Variants in SLC6A3 observed in about 807,000 individuals in gnomAD.
SLC6A3 encodes the protein sodium-dependent dopamine transporter.
SLC6A3 carries 19 observed loss-of-function variants against 70.4 expected under a neutral mutation model. The ratio of observed to expected loss-of-function variants is 0.27; its 90% CI spans 0.19 to 0.40. SLC6A3 has a LOEUF of 0.40. Among genes scored for constraint, SLC6A3 ranks in the 10% least tolerant of loss-of-function variants. The pLI is 1.00. For missense variants in SLC6A3, 613 were observed against 838.5 expected, an observed-to-expected ratio of 0.73 and a Z score of 3.32; for synonymous variants, 368 against 356.6, an observed-to-expected ratio of 1.03 and a Z score of -0.36.
rs758772852 is a variant in SLC6A3 at position 1,403,027 on chromosome 5, G to A, written c.1662C>T (p.Pro554=). 1.1e-5 allele frequency: 17 copies of A among 1,614,018 alleles called. No individual in the cohort carries two copies. The highest frequency in any genetic ancestry group is 8.9e-5 in the East Asian group (4 of 44,884). ...CCCAGCCCAGCGCGTTGGCCCAGTCGGGGAAGATGTAGGCTCCGTAGTGGG... is the reference window on the plus strand; with the variant it reads ...CCCAGCCCAGCGCGTTGGCCCAGTCAGGGAAGATGTAGGCTCCGTAGTGGG... ...RPPHYGAYIF[P]DWANALGWVI... Residue 554 remains proline (P), a synonymous_variant, in exon 13 of 15, where the codon CCC becomes CCT. Coordinates refer to ENST00000270349, the MANE Select transcript of SLC6A3 (RefSeq NM_001044.5).
intron 7 of SLC6A3, 35 bp from the exon 8 acceptor site, chr5:1,414,850 C>G (rs1450987362): frequency 6.2e-7 from 1 of 1,612,424 alleles, no homozygotes. Flanking sequence ...CAGGAACCAG[C>G]TGAGCTGCAG....
chr5:1,422,993 T>C lies in SLC6A3; in HGVS notation c.654-979A>G, dbSNP rs536185889. Among the ~76,000 whole-genome samples the C allele has an allele frequency of 8.2e-3, 537 of 65,246 alleles. 48 individuals carry two copies. The Middle Eastern group carries it at 0.098, about 12-fold the overall frequency. The allele number at this position is 65,246 out of a possible 152,430, so 42.8% of individuals were successfully genotyped here. A position where few individuals can be genotyped will look rare whatever the true frequency, so the allele number is the denominator to read the frequency against. The stretch of plus-strand genomic sequence containing the variant: ...CCACAGTGCTGCCCACGCTGCTGGG[T>C]ACCCACTGCTGCCCAGTGCTGCCCA... On this transcript the variant is annotated intron_variant, in intron 4 of 14. Coordinates refer to ENST00000270349, the MANE Select transcript of SLC6A3 (RefSeq NM_001044.5).
At chr5:1,417,095 C>G (rs1027523203) in intron 6 of SLC6A3, among the ~76,000 whole-genome samples, 1 of 151,892 alleles carries the variant, frequency 6.6e-6, no homozygotes, top group Admixed American at 6.6e-5. Context: ...GAGTGTGTCC[C>G]CCCATCCCAT....
intron 10 of SLC6A3, 33 bp downstream of exon 10, chr5:1,409,688 C>G: frequency 6.2e-7 from 1 of 1,612,270 alleles, no homozygotes; most frequent in Non-Finnish European, 8.5e-7. Context: ...GGAGACATGA[C>G]CAGGAGAAGG....
Position 1,393,535 on chromosome 5 carries a change from G to A in SLC6A3, c.*1200C>T, listed in dbSNP as rs1260356662. The A allele has an allele frequency of 1.9e-5, 3 of 154,484 alleles. No individual in the cohort carries two copies. Among genetic ancestry groups the A allele is most frequent in the Non-Finnish European group, 4.4e-5 (3 of 68,252 alleles). 9.6% of individuals were successfully genotyped at this position (154,484 alleles called of 1,614,324 possible). ...AATTCCAGTGGGGTCCCTTCCTGGAGGTCACGGCTCAAGGCCAGGCAGAGT... is the reference window on the plus strand; with the variant it reads ...AATTCCAGTGGGGTCCCTTCCTGGAAGTCACGGCTCAAGGCCAGGCAGAGT... On this transcript the variant is annotated 3_prime_UTR_variant, in exon 15 of 15. Transcript: ENST00000270349.
intron 12 of SLC6A3, 22 bp from the exon 13 acceptor site, chr5:1,403,111 G>A: frequency 6.2e-7 from 1 of 1,612,034 alleles, no homozygotes. Context: ...AGATACGGAG[G>A]TCAGGCAGCT....
chr5:1,407,030 G>C (rs1409979911), intron 11 of SLC6A3, among the ~76,000 whole-genome samples: 1 of 152,196 alleles, frequency 6.6e-6, no homozygotes, highest in Non-Finnish European at 1.5e-5. Context: ...TGTGTCTTCA[G>C]AAAAGCTATT....
intron 4 of SLC6A3, among the ~76,000 whole-genome samples, chr5:1,422,412 G>GCTGCTGGGTGCCCACCGCTGCCCA (rs1756463898): frequency 2.3e-5 from 1 of 44,138 alleles, no homozygotes; most frequent in African/African-American, 1.1e-4. Flanking sequence ...CGCTGCCCAC[G>GCTGCTGGGTGCCCACCGCTGCCCA]GTGCTGCCCA....
chr5:1,398,975 T>C (rs1755781884), intron 14 of SLC6A3, among the ~76,000 whole-genome samples: 1 of 152,172 alleles, frequency 6.6e-6, no homozygotes, highest in African/African-American at 2.4e-5. Flanking sequence ...GTGGGTAACA[T>C]AATATATAAC....
chr5:1,439,071 T>C (rs1200572611), intron 3 of SLC6A3, among the ~76,000 whole-genome samples: 1 of 152,150 alleles, frequency 6.6e-6, no homozygotes, highest in Non-Finnish European at 1.5e-5. Flanking sequence ...CTTGAACTGT[T>C]AGCCTGGGTT....
chr5:1,432,836 C>T (rs1756737762), intron 3 of SLC6A3, 138 bp from the exon 4 acceptor site: 2 of 685,350 alleles, frequency 2.9e-6, no homozygotes, highest in Non-Finnish European at 5.2e-6. Flanking sequence ...TGCCAGACAG[C>T]ATCTTCAAAC....
chr5:1,411,815 CATACACACTCA>C lies in SLC6A3; in HGVS notation c.1157-471_1157-461del. Among the ~76,000 whole-genome samples, 1 of 150,096 alleles carries C rather than the reference CATACACACTCA, an allele frequency of 6.7e-6. No homozygotes were observed. The highest frequency in any genetic ancestry group is 2.4e-5 in the African/African-American group (1 of 40,818). The stretch of plus-strand genomic sequence containing the variant: ...ACACTCAGACACACATACCATGCAA[CATACACACTCA>C]GACACACATACCATGCAACATACAC... On this transcript the variant is annotated intron_variant, in intron 8 of 14. Coordinates refer to ENST00000270349, the MANE Select transcript of SLC6A3 (RefSeq NM_001044.5). This position sits in a 1 kb window ranked among gnomAD's most constrained non-coding sequence, Gnocchi z 6.5.
rs1295980534 is a variant in SLC6A3 at position 1,436,573 on chromosome 5, C to G, written c.419-3875G>C. On this transcript the variant is annotated intron_variant, in intron 3 of 14. Coordinates refer to ENST00000270349, the MANE Select transcript of SLC6A3 (RefSeq NM_001044.5). This position sits in a 1 kb window ranked among gnomAD's most constrained non-coding sequence, Gnocchi z 5.2. ...CCTTAAATTTATTTTTGCTTAGTAT[C>G]TTTTTCTTTATATTAACCTTGTGTG... is the stretch of plus-strand genomic sequence containing the variant. Among the ~76,000 whole-genome samples the G allele has an allele frequency of 6.6e-6, 1 of 152,160 alleles. No homozygotes were observed. Among genetic ancestry groups the G allele is most frequent in the Non-Finnish European group, 1.5e-5 (1 of 68,034 alleles).
chr5:1,442,776 G>A lies in SLC6A3; in HGVS notation c.286+136C>T, dbSNP rs1733711577. The A allele has an allele frequency of 1.1e-6, 1 of 875,406 alleles. No homozygotes were observed. Among genetic ancestry groups the A allele is most frequent in the Non-Finnish European group, 1.9e-6 (1 of 529,098 alleles). 54.2% of individuals were successfully genotyped at this position (875,406 alleles called of 1,614,324 possible). ...ACATCCTCTGGGAGGATCTGCACCG[G>A]CCGTGAGCTCTCACAGGGAGCTCCG... On this transcript the variant is annotated intron_variant, in intron 2 of 14. Transcript: ENST00000270349. This position sits in a 1 kb window ranked among gnomAD's most constrained non-coding sequence, Gnocchi z 5.0.
rs1015813773 is a variant in SLC6A3 at position 1,401,825 on chromosome 5, G to A, written c.1768-839C>T. ...AGCTCTCTCCCTGCAGAGACTGCCC[G>A]GCTGCCTGCTCTTCCCCTGTGCTGG... On this transcript the variant is annotated intron_variant, in intron 13 of 14. Transcript: ENST00000270349. This position sits in a 1 kb window ranked among gnomAD's most constrained non-coding sequence, Gnocchi z 6.1. Among the ~76,000 whole-genome samples the A allele has an allele frequency of 1.2e-4, 19 of 152,220 alleles. No homozygotes were observed. Among genetic ancestry groups the A allele is most frequent in the African/African-American group, 2.2e-4 (9 of 41,462 alleles).
intron 6 of SLC6A3, among the ~76,000 whole-genome samples, chr5:1,419,085 T>C (rs1282920250): frequency 1.3e-5 from 2 of 149,076 alleles, no homozygotes; most frequent in African/African-American, 5.0e-5. Flanking sequence ...GTCCATCCTA[T>C]CTAGCTACCT....
chr5:1,403,036 G>A lies in SLC6A3; in HGVS notation c.1653C>T (p.Tyr551=), dbSNP rs530036288. Residue 551 remains tyrosine (Y), a synonymous_variant, in exon 13 of 15, where the codon TAC becomes TAT. Transcript: ENST00000270349. ...GCGCGTTGGCCCAGTCGGGGAAGAT[G>A]TAGGCTCCGTAGTGGGGGGGTCTGA... ...VTFRPPHYGA[Y]IFPDWANALG... 2.5e-6 allele frequency: 4 copies of A among 1,613,916 alleles called. No homozygotes were observed. The South Asian group carries it at 3.3e-5, about 13-fold the overall frequency.
At chr5:1,423,019 A>T (rs11738968) in intron 4 of SLC6A3, among the ~76,000 whole-genome samples, 53 of 31,986 alleles carry the variant, frequency 1.7e-3, no homozygotes, top group Admixed American at 3.1e-3. Flanking sequence ...GTGCTGCCCA[A>T]GGTGCTGGGT....
chr5:1,431,568 T>C (rs1348157401), intron 4 of SLC6A3, among the ~76,000 whole-genome samples: 1 of 95,588 alleles, frequency 1.0e-5, no homozygotes, highest in Non-Finnish European at 2.1e-5. Context: ...GGGTGGACGG[T>C]GAGGGGTGGG....
Sources: gnomAD v4.1 joint callset for allele counts (sites outside exome capture counted in the v4.1 genomes callset) on GRCh38, gnomAD v4.1.1 for gene constraint, Gnocchi (gnomAD v3.1) non-coding constraint, MANE v1.5 for transcripts, NCBI Gene and HGNC (gene_info 2026-07-23, HGNC 2026-07-21) for gene names.